TMEM117: variants seen among roughly 807,000 people sequenced by gnomAD.
The protein encoded by TMEM117 is transmembrane protein 117.
A neutral mutation model predicts 52.4 loss-of-function variants in TMEM117; 27 were observed. The observed-to-expected ratio is 0.51, with a 90% confidence interval of 0.38 to 0.71. The LOEUF (loss-of-function observed/expected upper bound fraction) is 0.71. TMEM117 is among the 30% of genes least tolerant of loss of function. TMEM117 has a pLI of 0.00. For synonymous variants in TMEM117, 215 were observed against 206.3 expected (o/e 1.04, Z -0.36); for missense variants, 556 against 630.5 (o/e 0.88, Z 1.26).
At chr12:44,323,958 A>G (rs1007077475) in intron 6 of TMEM117, among the ~76,000 whole-genome samples, 1 of 152,106 alleles carries the variant, frequency 6.6e-6, no homozygotes, top group Non-Finnish European at 1.5e-5. Context: ...ATTTACATAT[A>G]TAGGAGCTAT....
intron 4 of TMEM117, among the ~76,000 whole-genome samples, chr12:44,159,893 T>C (rs1566968): frequency 6.6e-6 from 1 of 152,076 alleles, no homozygotes; most frequent in Admixed American, 6.6e-5. Context: ...AGAAACAAAG[T>C]GCTGGTGTGG....
chr12:44,366,891 A>T (rs1473135330), intron 6 of TMEM117, among the ~76,000 whole-genome samples: 1 of 152,120 alleles, frequency 6.6e-6, no homozygotes, highest in Non-Finnish European at 1.5e-5. Flanking sequence ...CTTCACAAAG[A>T]GTGTTGGTCA....
intron 3 of TMEM117, among the ~76,000 whole-genome samples, chr12:44,021,986 A>G (rs750730970): frequency 1.3e-5 from 2 of 152,178 alleles, no homozygotes; most frequent in African/African-American, 2.4e-5. Flanking sequence ...ATATATATCT[A>G]TGAGTATGTT....
chr12:43,888,202 A>G (rs974460813), intron 2 of TMEM117, among the ~76,000 whole-genome samples: 5 of 152,244 alleles, frequency 3.3e-5, no homozygotes, highest in Non-Finnish European at 7.3e-5. Flanking sequence ...CCTACCTCAC[A>G]GTATTGTTTC....
chr12:44,267,365 G>T (rs1180858073), intron 5 of TMEM117, among the ~76,000 whole-genome samples: 1 of 151,834 alleles, frequency 6.6e-6, no homozygotes, highest in African/African-American at 2.4e-5. Flanking sequence ...AATAGTTAAG[G>T]TATGATTGAC....
chr12:44,093,266 G>A lies in TMEM117; in HGVS notation c.411-50259G>A, dbSNP rs145624735. Among the ~76,000 whole-genome samples, 627 of 152,072 alleles carry A rather than the reference G, an allele frequency of 4.1e-3. 4 individuals are homozygous for A. Among genetic ancestry groups the A allele is most frequent in the Non-Finnish European group, 5.9e-3 (404 of 68,008 alleles). On this transcript the variant is annotated intron_variant, in intron 3 of 7. Transcript: ENST00000266534. Reference sequence around the variant, plus strand: ...ATTCAAATTAAATTATATATTCACAGCTCCCCAGAGTATAAAGCTAAAGAC... The same window carrying A: ...ATTCAAATTAAATTATATATTCACAACTCCCCAGAGTATAAAGCTAAAGAC...
rs371973055 is a variant in TMEM117 at position 44,056,433 on chromosome 12, A to G, written c.411-87092A>G. Among the ~76,000 whole-genome samples, 12 of 152,208 alleles carry G rather than the reference A, an allele frequency of 7.9e-5. No homozygotes were observed. In the East Asian group the frequency reaches 9.6e-4, roughly 12 times the overall value. On this transcript the variant is annotated intron_variant, in intron 3 of 7. Transcript: ENST00000266534. ...TAAAAACTTTCTCATTTGTCAAATT[A>G]ACATTTTAACTTTTATTTTAATCTC...
intron 7 of TMEM117, 138 bp from the exon 8 acceptor site, chr12:44,387,888 C>G (rs1484279421): frequency 1.2e-6 from 1 of 824,066 alleles, no homozygotes; most frequent in African/African-American, 1.7e-5. Flanking sequence ...CAGCACAGCA[C>G]TCTCAAAATA....
the TMEM117 span, among the ~76,000 whole-genome samples, chr12:43,822,150 T>A: frequency 3.3e-4 from 51 of 152,350 alleles, no homozygotes; most frequent in African/African-American, 1.2e-3. Flanking sequence ...TTTTTTTATG[T>A]GTATTTTTAC....
intron 2 of TMEM117, among the ~76,000 whole-genome samples, chr12:43,944,008 A>G (rs1945087373): frequency 6.6e-6 from 1 of 152,228 alleles, no homozygotes; most frequent in Non-Finnish European, 1.5e-5. Flanking sequence ...ATGTGATATG[A>G]GGATCGTCTT....
intron 5 of TMEM117, among the ~76,000 whole-genome samples, chr12:44,250,750 A>G (rs1273969563): frequency 6.6e-6 from 1 of 152,184 alleles, no homozygotes; most frequent in Non-Finnish European, 1.5e-5. Flanking sequence ...AGAAAACCAA[A>G]CACTGCATGT....
intron 3 of TMEM117, among the ~76,000 whole-genome samples, chr12:44,080,506 G>A (rs1235730846): frequency 1.3e-5 from 2 of 152,050 alleles, no homozygotes; most frequent in Non-Finnish European, 2.9e-5. Flanking sequence ...TGGGGAAACA[G>A]CCAAACCATA....
chr12:43,914,541 T>G (rs1310872323), intron 2 of TMEM117, among the ~76,000 whole-genome samples: 8 of 152,182 alleles, frequency 5.3e-5, no homozygotes, highest in African/African-American at 1.9e-4. Context: ...AATGGAGCTT[T>G]CAGCCTCCAG....
chr12:44,043,366 A>G (rs994731807), intron 3 of TMEM117, among the ~76,000 whole-genome samples: 2 of 152,194 alleles, frequency 1.3e-5, no homozygotes, highest in East Asian at 1.9e-4. Context: ...CCAGGTGTCT[A>G]CTGTTAAAGT....
intron 4 of TMEM117, among the ~76,000 whole-genome samples, chr12:44,188,508 G>A (rs1015307885): frequency 1.1e-4 from 17 of 152,260 alleles, no homozygotes; most frequent in African/African-American, 4.1e-4. Flanking sequence ...TCAGGTACCA[G>A]TTATATCTTA....
rs557653059 is a variant in TMEM117 at position 44,069,377 on chromosome 12, T to TTCAGCAAAGTCCTG, written c.411-74147_411-74134dup. On this transcript the variant is annotated intron_variant, in intron 3 of 7. Coordinates refer to ENST00000266534, the MANE Select transcript of TMEM117 (RefSeq NM_032256.3). ...TAAAGACCTCACTGAGAGGTGACATTTCAGCAAAGTCCTGGCAGTAGAGAG... is the reference window on the plus strand; with the variant it reads ...TAAAGACCTCACTGAGAGGTGACATTTCAGCAAAGTCCTGTCAGCAAAGTCCTGGCAGTAGAGAG... Among the ~76,000 whole-genome samples the TTCAGCAAAGTCCTG allele has an allele frequency of 3.3e-5, 5 of 152,238 alleles. No homozygotes were observed. The South Asian group carries it at 1.0e-3, about 32-fold the overall frequency.
At chr12:44,252,136 C>A (rs1349327667) in intron 5 of TMEM117, among the ~76,000 whole-genome samples, 2 of 152,336 alleles carry the variant, frequency 1.3e-5, no homozygotes, top group East Asian at 3.9e-4. Flanking sequence ...TCTCTGGTGA[C>A]TCTGATCATG....
intron 3 of TMEM117, chr12:44,073,704 C>T (rs753965320): frequency 2.0e-5 from 3 of 152,180 alleles, no homozygotes; most frequent in Non-Finnish European, 2.9e-5. Flanking sequence ...GAAGGAACTT[C>T]TTAGAAGAGC....
chr12:43,910,029 G>A (rs1944468243), intron 2 of TMEM117, among the ~76,000 whole-genome samples: 1 of 128,298 alleles, frequency 7.8e-6, no homozygotes, highest in East Asian at 2.3e-4. Context: ...AAGCCAGGCA[G>A]AGACACAACC....
Sources: gnomAD v4.1 joint callset for allele counts (sites outside exome capture counted in the v4.1 genomes callset) on GRCh38, gnomAD v4.1.1 for gene constraint, MANE v1.5 for transcripts, NCBI Gene and HGNC (gene_info 2026-07-23, HGNC 2026-07-21) for gene names.